The following IL34 variants were observed in gnomAD, a reference collection of about 807,000 sequenced individuals.
The protein encoded by IL34 is interleukin-34.
IL34 carries 17 observed loss-of-function variants against 25.3 expected under a neutral mutation model. That is an observed-to-expected ratio of 0.67 (90% CI 0.46 to 1.01). The LOEUF (loss-of-function observed/expected upper bound fraction) is 1.01, where lower values mean the gene tolerates loss of function less well. Among genes scored for constraint, IL34 ranks in the 50% least tolerant of loss-of-function variants. The pLI is 0.00. For missense variants in IL34, 368 were observed against 312.9 expected (o/e 1.18, Z -1.33); for synonymous variants, 174 against 140.9 (o/e 1.23, Z -1.66).
chr16:70,585,701 A>AAT (rs1555502257), intron 1 of IL34, among the ~76,000 whole-genome samples: 17 of 142,768 alleles, frequency 1.2e-4, no homozygotes, highest in African/African-American at 3.9e-4. Flanking sequence ...AAAAAAAAAA[A>AAT]TTTTTTTTTT....
chr16:70,649,841 C>T (rs1280241823), intron 1 of IL34, among the ~76,000 whole-genome samples: 2 of 152,030 alleles, frequency 1.3e-5, no homozygotes, highest in African/African-American at 4.8e-5. Context: ...CTCTGTCACC[C>T]AGGCTGGAGT....
At chr16:70,618,561 G>C (rs989182986) in intron 1 of IL34, among the ~76,000 whole-genome samples, 8 of 152,220 alleles carry the variant, frequency 5.3e-5, no homozygotes, top group African/African-American at 1.9e-4. Flanking sequence ...TGCAGCGGCA[G>C]CCGCTGCACG....
chr16:70,613,839 A>G (rs2051130459), intron 1 of IL34, among the ~76,000 whole-genome samples: 1 of 146,004 alleles, frequency 6.8e-6, no homozygotes, highest in Non-Finnish European at 1.5e-5. Flanking sequence ...GCGCCACTGT[A>G]CTCCAGCCTG....
chr16:70,597,315 G>A (rs1246951990), intron 1 of IL34, among the ~76,000 whole-genome samples: 1 of 151,944 alleles, frequency 6.6e-6, no homozygotes, highest in African/African-American at 2.4e-5. Flanking sequence ...TGAGCTCCTG[G>A]GCTTAAGCGA....
chr16:70,605,444 C>A (rs2050988560), intron 1 of IL34, among the ~76,000 whole-genome samples: 1 of 152,118 alleles, frequency 6.6e-6, no homozygotes, highest in Non-Finnish European at 1.5e-5. Context: ...GTTGTGTAAT[C>A]ATCATCGCTA....
At chr16:70,636,370 T>C (rs894748819) in intron 1 of IL34, among the ~76,000 whole-genome samples, 2 of 152,166 alleles carry the variant, frequency 1.3e-5, no homozygotes, top group Admixed American at 1.3e-4. Context: ...TGTTTTCCTT[T>C]GGTTCATTTA....
chr16:70,625,447 C>T (rs535432258), intron 1 of IL34, among the ~76,000 whole-genome samples: 126 of 151,730 alleles, frequency 8.3e-4, no homozygotes, highest in South Asian at 6.0e-3. Context: ...CCGCTAAGGG[C>T]GAAGGAGAAG....
chr16:70,617,691 G>A (rs1377962141), intron 1 of IL34, among the ~76,000 whole-genome samples: 2 of 152,134 alleles, frequency 1.3e-5, no homozygotes, highest in African/African-American at 4.8e-5. Context: ...GTTTTTAAAA[G>A]ACCTTTAGTC....
At chr16:70,633,431 T>A (rs1411986252) in intron 1 of IL34, among the ~76,000 whole-genome samples, 6 of 142,704 alleles carry the variant, frequency 4.2e-5, no homozygotes, top group East Asian at 2.1e-4. Context: ...TTAAAAAAAA[T>A]TATTATTTTT....
At chr16:70,640,701 T>G (rs2051761342) in intron 1 of IL34, among the ~76,000 whole-genome samples, 1 of 152,148 alleles carries the variant, frequency 6.6e-6, no homozygotes, top group Non-Finnish European at 1.5e-5. Flanking sequence ...TCAGGCCTTT[T>G]GCAGTATAGT....
chr16:70,639,337 G>C (rs1281727334), intron 1 of IL34, among the ~76,000 whole-genome samples: 1 of 152,236 alleles, frequency 6.6e-6, no homozygotes, highest in African/African-American at 2.4e-5. Context: ...GAGACTGTCT[G>C]ATTTCAGGCA....
At chr16:70,618,935 A>G (rs2051218815) in intron 1 of IL34, among the ~76,000 whole-genome samples, 1 of 152,174 alleles carries the variant, frequency 6.6e-6, no homozygotes, top group African/African-American at 2.4e-5. Context: ...GTGCAAAGGA[A>G]TAGTAAAGAA....
chr16:70,597,341 C>G (rs775628353), intron 1 of IL34, among the ~76,000 whole-genome samples: 23 of 152,112 alleles, frequency 1.5e-4, no homozygotes, highest in Non-Finnish European at 3.1e-4. Flanking sequence ...CTGCCTCAGC[C>G]TCCCATGTAG....
chr16:70,628,353 T>C (rs577504216), intron 1 of IL34, among the ~76,000 whole-genome samples: 11 of 152,190 alleles, frequency 7.2e-5, no homozygotes, highest in Non-Finnish European at 1.6e-4. Flanking sequence ...TAGCATTGTT[T>C]ACAGTTTTTT....
intron 1 of IL34, among the ~76,000 whole-genome samples, chr16:70,641,253 A>G (rs1219215432): frequency 6.8e-6 from 1 of 146,730 alleles, no homozygotes. Context: ...AGCTTGGGCA[A>G]CAGAGCGAGA....
At chr16:70,638,979 GT>G (rs2051719477) in intron 1 of IL34, among the ~76,000 whole-genome samples, 1 of 152,250 alleles carries the variant, frequency 6.6e-6, no homozygotes, top group African/African-American at 2.4e-5. Flanking sequence ...GTTCAGGGGT[GT>G]TGTGGTAGAC....
upstream of IL34, among the ~76,000 whole-genome samples, chr16:70,643,086 C>T (rs899078926): frequency 1.6e-4 from 25 of 152,014 alleles, no homozygotes; most frequent in African/African-American, 3.6e-4. Flanking sequence ...ATTTTTGAGA[C>T]GGATCTCACT....
In IL34 at chr16:70,582,637, T is replaced by C. The variant is rs181763089; in HGVS notation, c.-401+2588T>C. Among the ~76,000 whole-genome samples the C allele has an allele frequency of 1.2e-4, 19 of 152,362 alleles. No homozygotes were observed. In the East Asian group the frequency reaches 3.3e-3, roughly 26 times the overall value. On this transcript the variant is annotated intron_variant, in intron 1 of 6. Transcript: ENST00000429149. Reference sequence around the variant, plus strand: ...GAGCCCTTACCGTGGAAGTCAAGGCTGCACTCCAGAGCCTTCAGGAAGGTA... The same window carrying C: ...GAGCCCTTACCGTGGAAGTCAAGGCCGCACTCCAGAGCCTTCAGGAAGGTA...
chr16:70,644,019 G>A (rs975531994), upstream of IL34, among the ~76,000 whole-genome samples: 6 of 152,082 alleles, frequency 3.9e-5, no homozygotes, highest in East Asian at 1.9e-4. Flanking sequence ...CTGTTGCCCC[G>A]ACTGGAGGGC....
Sources: gnomAD v4.1 joint callset for allele counts (sites outside exome capture counted in the v4.1 genomes callset) on GRCh38, gnomAD v4.1.1 for gene constraint, MANE v1.5 for transcripts, NCBI Gene and HGNC (gene_info 2026-07-23, HGNC 2026-07-21) for gene names.